The following ENDOV variants were observed in gnomAD, a reference collection of about 807,000 sequenced individuals.
ENDOV encodes hEndoV.
In ENDOV, 37 loss-of-function variants were observed where a neutral mutation model predicts 39.4. That is an observed-to-expected ratio of 0.94 (90% CI 0.72 to 1.23). The LOEUF is 1.23. ENDOV is among the 50% of genes most tolerant of loss of function. The pLI, the probability that ENDOV is intolerant of heterozygous loss-of-function variation, is 0.00. For synonymous variants in ENDOV, 186 were observed against 163.4 expected, an observed-to-expected ratio of 1.14 and a Z score of -1.05; for missense variants, 441 against 375.7, an observed-to-expected ratio of 1.17 and a Z score of -1.44.
intron 9 of ENDOV, among the ~76,000 whole-genome samples, chr17:80,432,303 A>T (rs1367899873): frequency 1.3e-5 from 2 of 152,142 alleles, no homozygotes; most frequent in South Asian, 4.1e-4. Context: ...GGCTGGGCCC[A>T]GGAATGAGGC....
rs2083020461 is a variant in ENDOV at position 80,428,612 on chromosome 17, G to A, written c.731G>A (p.Arg244Gln). The A allele has an allele frequency of 3.8e-6, 6 of 1,585,552 alleles. No individual in the cohort carries two copies. The highest frequency in any genetic ancestry group is 4.6e-5 in the East Asian group (2 of 43,318). ...CTCCCCCAGGCTGACATCTGCTCCC[G>A]AGAGCACATCCGCAAGTCGCTGGGA... Reference protein sequence around the residue: ...EPVRQADICSREHIRKSLGLP... With the variant: ...EPVRQADICSQEHIRKSLGLP... The change falls in exon 8 of 10, where the codon CGA becomes CAA. Residue 244 changes from arginine to glutamine, a missense_variant. Transcript: ENST00000518137.
intron 2 of ENDOV, chr17:80,419,573 T>G: frequency 1.4e-6 from 1 of 702,750 alleles, no homozygotes; most frequent in Non-Finnish European, 2.6e-6. Context: ...TGTCTGTGAC[T>G]CCCATCGATC....
intron 2 of ENDOV, chr17:80,420,009 TGGA>T: frequency 3.3e-6 from 1 of 300,412 alleles, no homozygotes; most frequent in Non-Finnish European, 6.5e-6. Context: ...CCCCCCAAAT[TGGA>T]AAAGGATACG....
chr17:80,427,377 C>T (rs1000545895), intron 7 of ENDOV: 4 of 976,808 alleles, frequency 4.1e-6, no homozygotes, highest in Non-Finnish European at 4.9e-6. Context: ...CTCAGCGCGC[C>T]CCAGAGTAGG....
intron 4 of ENDOV, 117 bp downstream of exon 4, chr17:80,422,362 C>T: frequency 8.0e-7 from 1 of 1,257,446 alleles, no homozygotes; most frequent in Non-Finnish European, 1.1e-6. Flanking sequence ...CCAGCCCCCT[C>T]CAATGGCTTC....
intron 9 of ENDOV, 55 bp from the exon 10 acceptor site, chr17:80,436,078 T>G: frequency 6.3e-7 from 1 of 1,593,042 alleles, no homozygotes; most frequent in Non-Finnish European, 8.6e-7. Context: ...TCCTTTCCAC[T>G]CTGAACGCCT....
At chr17:80,432,245 C>T (rs751385338) in intron 9 of ENDOV, among the ~76,000 whole-genome samples, 60 of 152,018 alleles carry the variant, frequency 3.9e-4, no homozygotes, top group South Asian at 3.1e-3. Context: ...GGTGGACACT[C>T]GGTACACTCC....
At position 80,425,530 on chromosome 17, in the gene ENDOV, C is replaced by A. The variant is rs867886012; in HGVS notation, c.624C>A (p.Tyr208Ter). The change falls in exon 7 of 10, where the codon TAC (tyrosine) becomes TAA (stop). Residue 208 changes from tyrosine to a stop codon, truncating the protein, a stop_gained. Transcript: ENST00000518137. LOFTEE classifies it high-confidence loss of function. The stretch of plus-strand genomic sequence containing the variant: ...ACGACCGCAGCACCAGGCCCCTCTA[C>A]ATCTCCGTGGGCCACAGGATGAGCC... ...RSHDRSTRPL[Y>*]ISVGHRMSLE... The A allele has an allele frequency of 6.3e-7, 1 of 1,596,924 alleles. No individual in the cohort carries two copies. Among genetic ancestry groups the A allele is most frequent in the South Asian group, 1.1e-5 (1 of 88,412 alleles).
At chr17:80,425,326 A>C in intron 6 of ENDOV, 166 bp from the exon 7 acceptor site, 13 of 1,077,124 alleles carry the variant, frequency 1.2e-5, no homozygotes, top group Non-Finnish European at 1.7e-5. Context: ...GACAAGCAGC[A>C]GGAAGGCGCC....
intron 2 of ENDOV, chr17:80,419,866 A>C: frequency 1.7e-6 from 1 of 587,512 alleles, no homozygotes; most frequent in East Asian, 2.8e-5. Flanking sequence ...GTAGCTGGAA[A>C]CACTGGTAGC....
chr17:80,417,121 T>C (rs1013028974), intron 2 of ENDOV: 1 of 152,238 alleles, frequency 6.6e-6, no homozygotes, highest in Non-Finnish European at 1.5e-5. Flanking sequence ...TTCACTCTGG[T>C]TGGCATGGCT....
chr17:80,415,898 T>G (rs940198468), intron 2 of ENDOV, 77 bp downstream of exon 2: 23 of 1,496,340 alleles, frequency 1.5e-5, no homozygotes, highest in Non-Finnish European at 1.3e-5. Context: ...CAGGGAGCAG[T>G]GCAAGCGTAG....
chr17:80,433,423 G>A (rs1405524993), intron 9 of ENDOV, among the ~76,000 whole-genome samples: 1 of 152,212 alleles, frequency 6.6e-6, no homozygotes, highest in Admixed American at 6.5e-5. Flanking sequence ...ATGAAGCCAG[G>A]TCAGGGAGGT....
chr17:80,436,206 C>G lies in ENDOV; in HGVS notation c.*63C>G, dbSNP rs771651833. 12 of 1,585,600 alleles carry G rather than the reference C, an allele frequency of 7.6e-6. No individual in the cohort carries two copies. Among genetic ancestry groups the G allele is most frequent in the Non-Finnish European group, 9.4e-6 (11 of 1,167,814 alleles). Reference sequence around the variant, plus strand: ...GATCGAACGCGGTGGTGAGAGCACACGTCCTCGTCTCGTTCCTGATCGAAC... The same window carrying G: ...GATCGAACGCGGTGGTGAGAGCACAGGTCCTCGTCTCGTTCCTGATCGAAC... On this transcript the variant is annotated 3_prime_UTR_variant, in exon 10 of 10. Coordinates refer to ENST00000518137, the MANE Select transcript of ENDOV (RefSeq NM_173627.5).
intron 8 of ENDOV, 63 bp from the exon 9 acceptor site, chr17:80,429,710 T>C: frequency 2.7e-6 from 4 of 1,472,184 alleles, no homozygotes; most frequent in Non-Finnish European, 3.7e-6. Context: ...CCATCTGGGG[T>C]GTGAGGGGGT....
intron 2 of ENDOV, chr17:80,416,099 T>C (rs2081110030): frequency 3.1e-6 from 1 of 323,914 alleles, no homozygotes; most frequent in Non-Finnish European, 5.8e-6. Flanking sequence ...TAGACGGGTG[T>C]GGTGGCATAT....
chr17:80,430,104 C>G, intron 9 of ENDOV: 1 of 1,534,552 alleles, frequency 6.5e-7, no homozygotes, highest in East Asian at 2.4e-5. Context: ...CGCAGCACAG[C>G]CCAGCACCAG....
rs1341620917 is a variant in ENDOV at position 80,429,841 on chromosome 17, A to C, written c.838+10A>C. ...TCCGGAGAGTCCTCAGGTGAGGGCC[A>C]GCCCCCACAGGACCACAGCCCAGGC... On this transcript the variant is annotated intron_variant, in intron 9 of 9. Transcript: ENST00000518137. 1.9e-6 allele frequency: 3 copies of C among 1,612,748 alleles called. No individual in the cohort carries two copies. The highest frequency in any genetic ancestry group is 2.5e-6 in the Non-Finnish European group (3 of 1,179,832).
chr17:80,427,760 TTGGTGGCCCCA>T, intron 7 of ENDOV: 1 of 1,289,340 alleles, frequency 7.8e-7, no homozygotes, highest in Non-Finnish European at 1.0e-6. Context: ...CCGGGCCGTC[TTGGTGGCCCCA>T]TGGTCACAGG....
Sources: allele counts gnomAD v4.1 joint callset (sites outside exome capture counted in the v4.1 genomes callset), GRCh38; gene constraint gnomAD v4.1.1; transcripts MANE v1.5; gene names NCBI Gene and HGNC (gene_info 2026-07-23, HGNC 2026-07-21).